The following PHF19 variants were observed in gnomAD, a reference collection of about 807,000 sequenced individuals.
PHF19 encodes the protein polycomb like 3.
PHF19 carries 21 observed loss-of-function variants against 79.8 expected under a neutral mutation model. The ratio of observed to expected loss-of-function variants is 0.26; its 90% CI spans 0.19 to 0.38. The LOEUF is 0.38. PHF19 is among the 10% of genes least tolerant of loss of function. PHF19 has a pLI of 1.00. For missense variants in PHF19, 445 were observed against 744.2 expected (o/e 0.60, Z 4.68); for synonymous variants, 273 against 296.3 (o/e 0.92, Z 0.81).
upstream of PHF19, among the ~76,000 whole-genome samples, chr9:120,898,336 C>T (rs191395703): frequency 6.6e-6 from 1 of 152,234 alleles, no homozygotes; most frequent in East Asian, 1.9e-4. Context: ...AGGCTGGTCT[C>T]GAACTCCTGA....
the PHF19 span, among the ~76,000 whole-genome samples, chr9:120,901,887 A>AACACCTGTAC: frequency 1.3e-5 from 2 of 152,186 alleles, no homozygotes; most frequent in African/African-American, 4.8e-5. Flanking sequence ...TGGAGGCACT[A>AACACCTGTAC]ACCTGTAACA....
chr9:120,857,822 CCAGGCACTTGCAGCTCTGT>C lies in PHF19; in HGVS notation c.*103_*121del. The C allele has an allele frequency of 1.6e-6, 1 of 620,314 alleles. No homozygotes were observed. Among genetic ancestry groups the C allele is most frequent in the Non-Finnish European group, 2.8e-6 (1 of 361,676 alleles). The allele number at this position is 620,314 out of a possible 1,614,324, so 38.4% of individuals were successfully genotyped here. On this transcript the variant is annotated 3_prime_UTR_variant, in exon 15 of 15. Coordinates refer to ENST00000373896, the MANE Select transcript of PHF19 (RefSeq NM_015651.3). ...GCAGGCAGGCAGGCAGGGCATTCTG[CCAGGCACTTGCAGCTCTGT>C]CCTGCTTCCTTCTCCCACCCCAGCC...
upstream of PHF19, among the ~76,000 whole-genome samples, chr9:120,898,874 C>T (rs1470648792): frequency 6.6e-6 from 1 of 152,152 alleles, no homozygotes; most frequent in Non-Finnish European, 1.5e-5. Context: ...CCGTGTCTGG[C>T]ACTAGCTAAG....
At chr9:120,877,455 C>CCGCCCGCCCG (rs1401072401), upstream of PHF19, 59 of 676,714 alleles carry the variant, frequency 8.7e-5, 2 homozygotes, top group East Asian at 5.7e-3. Flanking sequence ...CCGCCCGCCC[C>CCGCCCGCCCG]GCGGGCGCGC....
In PHF19 at chr9:120,865,850, G is replaced by A. The variant is rs373554104; in HGVS notation, c.780-20C>T. On this transcript the variant is annotated intron_variant, in intron 8 of 14. Coordinates refer to ENST00000373896, the MANE Select transcript of PHF19 (RefSeq NM_015651.3). ...TCCACCCTGGGCAAGGGGGCAAGGA[G>A]GTGGGACCAGGTGAGGTGGCAGCCT... The A allele has an allele frequency of 2.5e-4, 410 of 1,614,006 alleles. 1 individual carries two copies. In the Middle Eastern group the frequency reaches 2.6e-3, roughly 10 times the overall value.
In PHF19 at chr9:120,860,025, G is replaced by A. The variant is rs1295219500; in HGVS notation, c.1400+65C>T. On this transcript the variant is annotated intron_variant, in intron 14 of 14. Transcript: ENST00000373896. This position sits in a 1 kb window ranked among gnomAD's most constrained non-coding sequence, Gnocchi z 4.1. ...GAGCCACACATTACAGAAGTGGGAG[G>A]TGGAGGGGCTGAGAGGAATGATGGT... 2 of 814,068 alleles carry A rather than the reference G, an allele frequency of 2.5e-6. No homozygotes were observed. Among genetic ancestry groups the A allele is most frequent in the Admixed American group, 2.0e-5 (1 of 50,032 alleles). 50.4% of individuals were successfully genotyped at this position (814,068 alleles called of 1,614,324 possible). A position where few individuals can be genotyped will look rare whatever the true frequency, so the allele number is the denominator to read the frequency against.
Position 120,860,963 on chromosome 9 carries a change from C to G in PHF19, c.1304+126G>C, listed in dbSNP as rs2045504383. The G allele has an allele frequency of 4.4e-6, 3 of 685,064 alleles. No individual in the cohort carries two copies. Among genetic ancestry groups the G allele is most frequent in the Non-Finnish European group, 8.1e-6 (3 of 372,206 alleles). The allele number at this position is 685,064 out of a possible 1,614,324, so 42.4% of individuals were successfully genotyped here. ...GAACAGGGATGTTATGCTGAAAGCTCTACTGCAAAAAGCCCCTTCAGACAG... is the reference window on the plus strand; with the variant it reads ...GAACAGGGATGTTATGCTGAAAGCTGTACTGCAAAAAGCCCCTTCAGACAG... On this transcript the variant is annotated intron_variant, in intron 13 of 14. Coordinates refer to ENST00000373896, the MANE Select transcript of PHF19 (RefSeq NM_015651.3). The surrounding 1 kb of genome is among the most constrained non-coding windows in gnomAD (Gnocchi z 4.1).
chr9:120,885,902 C>T (rs1027212308), intron 1 of PHF19, among the ~76,000 whole-genome samples: 7 of 152,166 alleles, frequency 4.6e-5, no homozygotes, highest in Non-Finnish European at 7.3e-5. Context: ...CTTGGAGAAG[C>T]GGAAATTCTG....
At chr9:120,881,622 G>A (rs776156674), upstream of PHF19, among the ~76,000 whole-genome samples, 2 of 152,196 alleles carry the variant, frequency 1.3e-5, no homozygotes, top group Non-Finnish European at 2.9e-5. Flanking sequence ...GATATTTGGT[G>A]ATTTTAAAGG....
rs2233756 is a variant in PHF19 at position 120,891,159 on chromosome 9, C to G, written c.42+3629G>C. Among the ~76,000 whole-genome samples, 2,352 of 152,264 alleles carry G rather than the reference C, an allele frequency of 0.015. 93 individuals are homozygous for G. Among genetic ancestry groups the G allele is most frequent in the Admixed American group, 0.081 (1,242 of 15,290 alleles). Reference sequence around the variant, plus strand: ...GCCCCCAGGGCTGGGTTAGGTATCCCTGCTCATGCCCCAGAGCGCCTGGGT... The same window carrying G: ...GCCCCCAGGGCTGGGTTAGGTATCCGTGCTCATGCCCCAGAGCGCCTGGGT... On this transcript the variant is annotated intron_variant, in intron 1 of 14. Coordinates refer to the PHF19 transcript ENST00000616568. The surrounding 1 kb of genome is among the most constrained non-coding windows in gnomAD (Gnocchi z 4.3).
At position 120,857,328 on chromosome 9, in the gene PHF19, C is replaced by G. The variant is rs1340514622; in HGVS notation, c.*616G>C. Reference sequence around the variant, plus strand: ...CTGGTGCCTTCTGAGGCAGACCCAGCCCTTTACTCTTCAGATCCTCACAGG... The same window carrying G: ...CTGGTGCCTTCTGAGGCAGACCCAGGCCTTTACTCTTCAGATCCTCACAGG... On this transcript the variant is annotated 3_prime_UTR_variant, in exon 15 of 15. Coordinates refer to ENST00000373896, the MANE Select transcript of PHF19 (RefSeq NM_015651.3). 2 of 152,316 alleles carry G rather than the reference C, an allele frequency of 1.3e-5. No homozygotes were observed. Among genetic ancestry groups the G allele is most frequent in the Admixed American group, 1.3e-4 (2 of 15,292 alleles). The allele number at this position is 152,316 out of a possible 1,614,324, so 9.4% of individuals were successfully genotyped here.
chr9:120,862,919 G>A lies in PHF19; in HGVS notation c.969-170C>T. On this transcript the variant is annotated intron_variant, in intron 10 of 14. Coordinates refer to ENST00000373896, the MANE Select transcript of PHF19 (RefSeq NM_015651.3). The surrounding 1 kb of genome is among the most constrained non-coding windows in gnomAD (Gnocchi z 4.6). ...AAAGCCCATGGGATGCGGGGTTCCA[G>A]GTAGCAGCTGAGAACACGGCTGGTG... 1 of 627,438 alleles carries A rather than the reference G, an allele frequency of 1.6e-6. No homozygotes were observed. The allele number at this position is 627,438 out of a possible 1,614,324, so 38.9% of individuals were successfully genotyped here.
intron 12 of PHF19, among the ~76,000 whole-genome samples, 153 bp downstream of exon 12, chr9:120,861,765 T>TA (rs1243412575): frequency 1.3e-5 from 2 of 152,092 alleles, no homozygotes; most frequent in Non-Finnish European, 2.9e-5. Context: ...GCAGGGGTCT[T>TA]AGAGTGCCTG....
Position 120,860,609 on chromosome 9 carries a change from G to C in PHF19, c.1305-424C>G, listed in dbSNP as rs1191744449. 3 of 230,448 alleles carry C rather than the reference G, an allele frequency of 1.3e-5. No individual in the cohort carries two copies. Among genetic ancestry groups the C allele is most frequent in the South Asian group, 6.5e-5 (1 of 15,280 alleles). 14.3% of individuals were successfully genotyped at this position (230,448 alleles called of 1,614,324 possible). On this transcript the variant is annotated intron_variant, in intron 13 of 14. Transcript: ENST00000373896. The surrounding 1 kb of genome is among the most constrained non-coding windows in gnomAD (Gnocchi z 4.1). ...AGGTCTGACTCTAAAGCCCTCCTCT[G>C]TGTCCTCAGGAAAATACTAAATGAC...
intron 1 of PHF19, among the ~76,000 whole-genome samples, chr9:120,894,492 C>T (rs988925635): frequency 1.7e-4 from 26 of 152,146 alleles, no homozygotes; most frequent in African/African-American, 5.8e-4. Flanking sequence ...CTCCCGGGTC[C>T]GTGGCGGGGC....
At chr9:120,894,675 T>A (rs1216918571) in intron 1 of PHF19, 1 of 380,326 alleles carries the variant, frequency 2.6e-6, no homozygotes, top group South Asian at 1.2e-4. Context: ...GCGTTTGGAA[T>A]GCGAGCGCCG....
upstream of PHF19, among the ~76,000 whole-genome samples, chr9:120,898,324 C>T (rs1039123086): frequency 3.9e-5 from 6 of 152,216 alleles, no homozygotes; most frequent in African/African-American, 1.4e-4. Flanking sequence ...GCCATGTTGG[C>T]CAGGCTGGTC....
At chr9:120,894,966 A>C, upstream of PHF19, 4 of 380,718 alleles carry the variant, frequency 1.1e-5, no homozygotes, top group Non-Finnish European at 1.4e-5. Flanking sequence ...TCCACCAAAA[A>C]TCGATGGGAG....
Position 120,858,072 on chromosome 9 carries a change from T to C in PHF19, c.1615A>G (p.Ile539Val). 6.2e-7 allele frequency: 1 copy of C among 1,614,082 alleles called. No individual in the cohort carries two copies. Among genetic ancestry groups the C allele is most frequent in the Non-Finnish European group, 8.5e-7 (1 of 1,179,892 alleles). The change falls in exon 15 of 15, where the codon ATC becomes GTC. Residue 539 changes from isoleucine to valine, a missense_variant. By Grantham distance (29) the Ile-to-Val change is conservative. Coordinates refer to ENST00000373896, the MANE Select transcript of PHF19 (RefSeq NM_015651.3). ...DSSLSHLKSSITNYFGAAGRL... is the reference protein window; with the variant it reads ...DSSLSHLKSSVTNYFGAAGRL... ...CCAGCTGCACCAAAGTAGTTGGTGATAGATGACTTGAGGTGGGACAGGGAT... is the reference window on the plus strand; with the variant it reads ...CCAGCTGCACCAAAGTAGTTGGTGACAGATGACTTGAGGTGGGACAGGGAT...
Sources: gnomAD v4.1 joint callset for allele counts (sites outside exome capture counted in the v4.1 genomes callset) on GRCh38, gnomAD v4.1.1 for gene constraint, Gnocchi (gnomAD v3.1) non-coding constraint, MANE v1.5 for transcripts, NCBI Gene and HGNC (gene_info 2026-07-23, HGNC 2026-07-21) for gene names.